The following C18orf54 variants were observed in gnomAD, a reference collection of about 807,000 sequenced individuals.
C18orf54 encodes chromosome 18 open reading frame 54, also known as lung adenoma susceptibility protein 2.
Under a neutral mutation model 49.3 loss-of-function variants are expected in C18orf54, and 49 were observed. The observed-to-expected ratio is 0.99, with a 90% CI of 0.79 to 1.26. The LOEUF is 1.26. Ranked by LOEUF, C18orf54 falls within the 50% of genes most tolerant of loss-of-function variation. C18orf54 has a pLI of 0.00. For missense variants in C18orf54, 687 were observed against 620.6 expected (o/e 1.11, Z -1.14); for synonymous variants, 211 against 216.6 (o/e 0.97, Z 0.23).
intron 2 of C18orf54, 60 bp downstream of exon 2, chr18:54,358,930 T>TG (rs1021107063): frequency 5.3e-5 from 8 of 152,070 alleles, no homozygotes; most frequent in African/African-American, 1.9e-4. Context: ...GTGGCTGAAG[T>TG]GGGGAGAAGT....
rs201812064 is a variant in C18orf54 at position 54,378,424 on chromosome 18, T to C, written c.*178T>C. ...TACCCATAGGTTTTGGGACCTATCT[T>C]TATTTTGTGCCAACATACTAGAATG... On this transcript the variant is annotated 3_prime_UTR_variant, in exon 9 of 9. Coordinates refer to ENST00000620105, the MANE Select transcript of C18orf54 (RefSeq NM_001288980.2). 19 of 494,042 alleles carry C rather than the reference T, an allele frequency of 3.8e-5. No individual in the cohort carries two copies. In the East Asian group the frequency reaches 6.4e-4, roughly 17 times the overall value. The allele number at this position is 494,042 out of a possible 1,614,324, so 30.6% of individuals were successfully genotyped here.
At position 54,362,340 on chromosome 18, in the gene C18orf54, ATTAG is replaced by A. The variant is rs1351492944; in HGVS notation, c.985_988del (p.Val329MetfsTer37). On this transcript the variant is annotated frameshift_variant, in exon 4 of 9. Transcript: ENST00000620105. LOFTEE classifies it high-confidence loss of function. ...CAAATTCCTTGAGTGATGATAAAGAATTAGTTAATGAATACAAATGTGATTTTGA... is the reference window on the plus strand; with the variant it reads ...CAAATTCCTTGAGTGATGATAAAGAATTAATGAATACAAATGTGATTTTGA... 3.9e-6 allele frequency: 6 copies of A among 1,536,060 alleles called. No homozygotes were observed. Among genetic ancestry groups the A allele is most frequent in the African/African-American group, 1.4e-5 (1 of 73,184 alleles).
chr18:54,374,407 G>T, intron 8 of C18orf54, 123 bp downstream of exon 8: 1 of 996,158 alleles, frequency 1.0e-6, no homozygotes, highest in South Asian at 2.8e-5. Context: ...TAAGCTTCTT[G>T]GAGCACACTG....
At chr18:54,369,768 T>G (rs981615989) in intron 6 of C18orf54, among the ~76,000 whole-genome samples, 116 of 152,252 alleles carry the variant, frequency 7.6e-4, no homozygotes, top group African/African-American at 2.2e-3. Context: ...CATGCCCAGC[T>G]GAATATTGCT....
Position 54,361,696 on chromosome 18 carries a change from C to A in C18orf54, c.337C>A (p.His113Asn). 1 of 1,613,106 alleles carries A rather than the reference C, an allele frequency of 6.2e-7. No individual in the cohort carries two copies. Among genetic ancestry groups the A allele is most frequent in the South Asian group, 1.1e-5 (1 of 90,720 alleles). Reference protein sequence around the residue: ...KHSNFISCRRHTVNDIDSMSL... With the variant: ...KHSNFISCRRNTVNDIDSMSL... ...CTCAAACTTCATATCCTGTAGAAGA[C>A]ACACCGTTAATGACATAGACTCCAT... Residue 113 changes from histidine (H) to asparagine (N), a missense_variant, in exon 4 of 9, where the codon CAC becomes AAC. Coordinates refer to ENST00000620105, the MANE Select transcript of C18orf54 (RefSeq NM_001288980.2).
chr18:54,375,073 T>C lies in C18orf54; in HGVS notation c.1529+789T>C, dbSNP rs551492588. ...TCATGTATGATTACTTTTTTCTCTC[T>C]ACTTAATTTATTATCTTTAGGGTAT... On this transcript the variant is annotated intron_variant, in intron 8 of 8. Transcript: ENST00000620105. 2.0e-5 allele frequency among the ~76,000 whole-genome samples: 3 copies of C among 152,146 alleles called. No individual in the cohort carries two copies. In the South Asian group the frequency reaches 6.2e-4, roughly 32 times the overall value.
chr18:54,362,162 A>G lies in C18orf54; in HGVS notation c.803A>G (p.Gln268Arg). Residue 268 changes from glutamine to arginine, a missense_variant, in exon 4 of 9, where the codon CAA becomes CGA. Transcript: ENST00000620105. ...DFKYPVWLHN[Q>R]DLLPDANSQR... ...AAATACCCAGTCTGGCTGCACAATC[A>G]AGACTTGCTACCTGATGCAAATAGT... 1 of 1,536,236 alleles carries G rather than the reference A, an allele frequency of 6.5e-7. No homozygotes were observed. The highest frequency in any genetic ancestry group is 8.7e-7 in the Non-Finnish European group (1 of 1,146,902).
At position 54,365,787 on chromosome 18, in the gene C18orf54, G is replaced by A. The variant is rs749814296; in HGVS notation, c.1292G>A (p.Gly431Glu). 1 of 1,591,888 alleles carries A rather than the reference G, an allele frequency of 6.3e-7. No homozygotes were observed. Residue 431 changes from glycine to glutamate, a missense_variant, in exon 6 of 9, where the codon GGG becomes GAG. Transcript: ENST00000620105. ...QQTSRAKSAK[G>E]VLEDFLNNDN... ...ACTTCAAGGGCAAAGAGTGCTAAAG[G>A]GGTTCTTGAAGACTTTCTAAATAAT...
rs201779097 is a variant in C18orf54 at position 54,360,672 on chromosome 18, T to C, written c.100T>C (p.Ser34Pro). 145 of 1,613,990 alleles carry C rather than the reference T, an allele frequency of 9.0e-5. No individual in the cohort carries two copies. Among genetic ancestry groups the C allele is most frequent in the Non-Finnish European group, 9.7e-5 (114 of 1,179,956 alleles). The stretch of plus-strand genomic sequence containing the variant: ...CCTGAGTGGTAGTAATTCCTCTAAT[T>C]CTGATGGCTCGTTTCACTATAAAGA... ...CTLSGSNSSN[S>P]DGSFHYKDKL... The change falls in exon 3 of 9, where the codon TCT becomes CCT. Residue 34 changes from serine (S) to proline (P), a missense_variant. By Grantham distance (74) the Ser-to-Pro change is moderately conservative. Transcript: ENST00000620105.
chr18:54,372,526 T>C lies in C18orf54; in HGVS notation c.1387T>C (p.Phe463Leu), dbSNP rs915415941. 1.9e-6 allele frequency: 3 copies of C among 1,611,290 alleles called. No homozygotes were observed. Among genetic ancestry groups the C allele is most frequent in the East Asian group, 2.2e-5 (1 of 44,788 alleles). The change falls in exon 7 of 9, where the codon TTT becomes CTT. Residue 463 changes from phenylalanine to leucine, a missense_variant. Transcript: ENST00000620105. The part of the protein sequence containing the change: ...GPVEALKQML[F>L]NLQAVQERFN... ...TGTTGAAGCCCTGAAACAAATGTTA[T>C]TTAACCTTCAAGCAGTACAAGAACG...
chr18:54,372,731 G>GTT, intron 7 of C18orf54, 134 bp downstream of exon 7: 6 of 723,130 alleles, frequency 8.3e-6, no homozygotes, highest in East Asian at 3.0e-5. Flanking sequence ...AGTGGCAGTA[G>GTT]TTTTTTTTTG....
At chr18:54,366,256 C>G (rs1488464120) in intron 6 of C18orf54, among the ~76,000 whole-genome samples, 1 of 151,626 alleles carries the variant, frequency 6.6e-6, no homozygotes, top group Non-Finnish European at 1.5e-5. Context: ...TTTTTTTATC[C>G]TTAAACCAAT....
At position 54,376,549 on chromosome 18, in the gene C18orf54, G is replaced by A. The variant is rs112068701; in HGVS notation, c.1530-1625G>A. ...GGGTTTTGCCATGTTGGCCAGGCTG[G>A]TCTTGAACTCCTGACCTCAGGTGAT... On this transcript the variant is annotated intron_variant, in intron 8 of 8. Transcript: ENST00000620105. Among the ~76,000 whole-genome samples the A allele has an allele frequency of 3.9e-3, 592 of 152,278 alleles. 5 individuals are homozygous for A. Among genetic ancestry groups the A allele is most frequent in the African/African-American group, 0.014 (568 of 41,556 alleles).
chr18:54,371,774 C>T (rs981895989), intron 6 of C18orf54, among the ~76,000 whole-genome samples: 2 of 152,216 alleles, frequency 1.3e-5, no homozygotes, highest in African/African-American at 4.8e-5. Flanking sequence ...TTACAGACAT[C>T]TGTACAGTCC....
rs1305086513 is a variant in C18orf54, at chr18:54,378,288, G to A, written c.*42G>A. The A allele has an allele frequency of 2.7e-6, 4 of 1,509,320 alleles. No homozygotes were observed. The highest frequency in any genetic ancestry group is 2.8e-6 in the Non-Finnish European group (3 of 1,089,666). The allele number at this position is 1,509,320 out of a possible 1,614,324, so 93.5% of individuals were successfully genotyped here. On this transcript the variant is annotated 3_prime_UTR_variant, in exon 9 of 9. Coordinates refer to ENST00000620105, the MANE Select transcript of C18orf54 (RefSeq NM_001288980.2). ...GTCACCACAATGAATAGTCACCACA[G>A]AACAAATAGGCATTTTTTCTATTAC...
intron 8 of C18orf54, among the ~76,000 whole-genome samples, chr18:54,375,581 G>A (rs755419777): frequency 6.6e-6 from 1 of 151,268 alleles, no homozygotes; most frequent in African/African-American, 2.4e-5. Context: ...CTGAGTTAAT[G>A]TACATATCCT....
chr18:54,359,178 C>G (rs1288476975), intron 2 of C18orf54, among the ~76,000 whole-genome samples: 2 of 152,226 alleles, frequency 1.3e-5, no homozygotes, highest in African/African-American at 4.8e-5. Flanking sequence ...CAACAGCTTT[C>G]TCTTTCAAGG....
chr18:54,373,284 T>TA (rs2089519831), intron 7 of C18orf54, among the ~76,000 whole-genome samples: 1 of 151,776 alleles, frequency 6.6e-6, no homozygotes, highest in African/African-American at 2.4e-5. Flanking sequence ...GTTTCCTATT[T>TA]AAAAAATTAT....
At chr18:54,366,403 T>A (rs55650283) in intron 6 of C18orf54, among the ~76,000 whole-genome samples, 10 of 151,742 alleles carry the variant, frequency 6.6e-5, no homozygotes, top group African/African-American at 1.5e-4. Flanking sequence ...TGCTCCTAGC[T>A]TATTTTACCT....
Sources: allele counts gnomAD v4.1 joint callset (sites outside exome capture counted in the v4.1 genomes callset), GRCh38; gene constraint gnomAD v4.1.1; transcripts MANE v1.5; gene names NCBI Gene and HGNC (gene_info 2026-07-23, HGNC 2026-07-21).